Variants in CNTNAP2 observed in about 807,000 individuals in gnomAD.
CNTNAP2 encodes contactin-associated protein-like 2.
CNTNAP2 carries 98 observed loss-of-function variants against 155.2 expected under a neutral mutation model. The observed-to-expected ratio is 0.63, with a 90% confidence interval of 0.54 to 0.75. The LOEUF (loss-of-function observed/expected upper bound fraction) is 0.75, where lower values mean the gene tolerates loss of function less well. Ranked by LOEUF, CNTNAP2 falls within the 30% of genes least tolerant of loss-of-function variation. The pLI is 0.00. For synonymous variants in CNTNAP2, 651 were observed against 631.2 expected (o/e 1.03, Z -0.47); for missense variants, 1,727 against 1,688.1 (o/e 1.02, Z -0.40).
chr7:146,127,137 C>G (rs1797649141), intron 1 of CNTNAP2, among the ~76,000 whole-genome samples: 1 of 152,204 alleles, frequency 6.6e-6, no homozygotes, highest in Non-Finnish European at 1.5e-5. Context: ...TGCAGTTTCT[C>G]TAACACAACA....
chr7:147,299,328 T>A (rs1021995321), intron 8 of CNTNAP2, among the ~76,000 whole-genome samples: 6 of 152,078 alleles, frequency 3.9e-5, no homozygotes, highest in Admixed American at 6.6e-5. Context: ...TAAGCTACTG[T>A]CCAGCTAATG....
chr7:146,311,864 A>G (rs1246048761), intron 1 of CNTNAP2: 2 of 151,640 alleles, frequency 1.3e-5, no homozygotes, highest in South Asian at 2.1e-4. Flanking sequence ...AAAGTAGAAC[A>G]TACAAATAAT....
chr7:146,754,375 T>G (rs1801956305), intron 1 of CNTNAP2, among the ~76,000 whole-genome samples: 1 of 151,698 alleles, frequency 6.6e-6, no homozygotes, highest in South Asian at 2.1e-4. Flanking sequence ...GAAAAAATCA[T>G]GTCCGTTAAG....
At chr7:146,463,712 G>A (rs1796673126) in intron 1 of CNTNAP2, among the ~76,000 whole-genome samples, 1 of 151,788 alleles carries the variant, frequency 6.6e-6, no homozygotes, top group African/African-American at 2.4e-5. Context: ...ATATACATAT[G>A]TGTATATGTG....
At chr7:148,401,217 C>A (rs1474103728) in intron 22 of CNTNAP2, among the ~76,000 whole-genome samples, 2 of 152,176 alleles carry the variant, frequency 1.3e-5, no homozygotes, top group African/African-American at 4.8e-5. Context: ...CAGTAAGATA[C>A]ATGAGAGAGT....
At chr7:146,931,411 A>G (rs1253004710) in intron 3 of CNTNAP2, among the ~76,000 whole-genome samples, 72 of 149,196 alleles carry the variant, frequency 4.8e-4, no homozygotes, top group Middle Eastern at 3.4e-3. Context: ...ACAACATACC[A>G]GAATCTCTGG....
rs530790105 is a variant in CNTNAP2, at chr7:147,113,457, A to T, written c.754+5107A>T. 2.4e-3 allele frequency among the ~76,000 whole-genome samples: 365 copies of T among 151,778 alleles called. 2 individuals carry two copies. Among genetic ancestry groups the T allele is most frequent in the African/African-American group, 8.4e-3 (350 of 41,424 alleles). On this transcript the variant is annotated intron_variant, in intron 5 of 23. Transcript: ENST00000361727. ...GAGTGATTTATTAAAAAAAAAAAAG[A>T]GGTTTACTTGACTTACAGTTTCACA...
intron 10 of CNTNAP2, among the ~76,000 whole-genome samples, chr7:147,463,414 A>G (rs1798059271): frequency 6.6e-6 from 1 of 152,202 alleles, no homozygotes; most frequent in East Asian, 1.9e-4. Context: ...ATTAAAACAC[A>G]TTTATTGAGC....
intron 13 of CNTNAP2, among the ~76,000 whole-genome samples, chr7:147,898,968 T>TC (rs11377586): frequency 0.66 from 101,090 of 152,078 alleles, 33,894 homozygotes; most frequent in Middle Eastern, 0.76. Context: ...TTGCAAAATG[T>TC]CTTTTTTAGG....
At chr7:148,254,229 C>T (rs905071270) in intron 20 of CNTNAP2, among the ~76,000 whole-genome samples, 10 of 152,090 alleles carry the variant, frequency 6.6e-5, no homozygotes, top group East Asian at 3.9e-4. Context: ...CGGCTCTTAC[C>T]GCACCAGGCT....
intron 1 of CNTNAP2, among the ~76,000 whole-genome samples, chr7:146,348,862 C>A (rs1436184259): frequency 6.7e-6 from 1 of 148,846 alleles, no homozygotes; most frequent in East Asian, 2.0e-4. Context: ...TAATTTATAA[C>A]TATTGTATAT....
intron 9 of CNTNAP2, among the ~76,000 whole-genome samples, chr7:147,330,215 G>A (rs918482477): frequency 3.3e-5 from 5 of 152,134 alleles, no homozygotes; most frequent in African/African-American, 9.7e-5. Context: ...AATGACAAGA[G>A]TTGATAAGCT....
chr7:148,247,625 CTATTTATT>C (rs71527888), intron 20 of CNTNAP2, among the ~76,000 whole-genome samples: 15 of 105,322 alleles, frequency 1.4e-4, no homozygotes, highest in South Asian at 3.9e-4. Flanking sequence ...CTCTCTCTCT[CTATTTATT>C]TATTTATTTA....
rs760901053 is a variant in CNTNAP2 at position 148,392,093 on chromosome 7, G to GAGAT, written c.3715+8206_3715+8209dup. On this transcript the variant is annotated intron_variant, in intron 22 of 23. Transcript: ENST00000361727. ...CTAGTTGTTGTTGTTATTATTATTT[G>GAGAT]AGATGGAGTCTCGCTCTGTCACTAG... 3.3e-5 allele frequency among the ~76,000 whole-genome samples: 5 copies of GAGAT among 152,008 alleles called. No homozygotes were observed. The South Asian group carries it at 8.3e-4, about 25-fold the overall frequency.
chr7:147,489,086 G>A (rs949107067), intron 11 of CNTNAP2, among the ~76,000 whole-genome samples: 1 of 152,096 alleles, frequency 6.6e-6, no homozygotes, highest in Non-Finnish European at 1.5e-5. Context: ...CACTTTTATG[G>A]CAGATTTGGA....
intron 13 of CNTNAP2, among the ~76,000 whole-genome samples, chr7:147,835,838 C>A (rs1024387842): frequency 6.6e-6 from 1 of 152,054 alleles, no homozygotes; most frequent in Non-Finnish European, 1.5e-5. Flanking sequence ...CATGTGAAGA[C>A]CCATGTGAAG....
intron 4 of CNTNAP2, among the ~76,000 whole-genome samples, chr7:147,068,037 A>G (rs888815706): frequency 1.3e-5 from 2 of 152,236 alleles, no homozygotes; most frequent in African/African-American, 4.8e-5. Context: ...TACTGTTGGC[A>G]GAAGTCTTTT....
At chr7:147,244,891 C>T (rs187600837) in intron 8 of CNTNAP2, among the ~76,000 whole-genome samples, 102 of 152,228 alleles carry the variant, frequency 6.7e-4, no homozygotes, top group Admixed American at 1.8e-3. Context: ...TAGTACTACT[C>T]ATTTTAATAA....
rs146278843 is a variant in CNTNAP2 at position 146,890,069 on chromosome 7, T to A, written c.402+50165T>A. On this transcript the variant is annotated intron_variant, in intron 3 of 23. Coordinates refer to ENST00000361727, the MANE Select transcript of CNTNAP2 (RefSeq NM_014141.6). ...CAGCAACTGAGACAGAGATCCAAGC[T>A]CCACAGCATCCCTTATCTTCCAAAT... is the stretch of plus-strand genomic sequence containing the variant. Among the ~76,000 whole-genome samples, 819 of 152,208 alleles carry A rather than the reference T, an allele frequency of 5.4e-3. 9 individuals are homozygous for A. The highest frequency in any genetic ancestry group is 5.5e-3 in the Non-Finnish European group (375 of 68,004).
Sources: allele counts gnomAD v4.1 joint callset (sites outside exome capture counted in the v4.1 genomes callset), GRCh38; gene constraint gnomAD v4.1.1; transcripts MANE v1.5; gene names NCBI Gene and HGNC (gene_info 2026-07-23, HGNC 2026-07-21).